Variants in TMEM163 observed in about 807,000 individuals in gnomAD.
TMEM163 encodes transmembrane protein 163.
Under a neutral mutation model 29.3 loss-of-function variants are expected in TMEM163, and 17 were observed. That is an observed-to-expected ratio of 0.58 (90% CI 0.40 to 0.87). The LOEUF is 0.87. Ranked by LOEUF, TMEM163 falls within the 40% of genes least tolerant of loss-of-function variation. The probability of loss-of-function intolerance (pLI) is 0.00; values close to 1 mark genes in which losing one functional copy is unlikely to be tolerated. For missense variants in TMEM163, 303 were observed against 381.5 expected, an observed-to-expected ratio of 0.79 and a Z score of 1.71; for synonymous variants, 157 against 160.6, an observed-to-expected ratio of 0.98 and a Z score of 0.17.
rs149388197 is a variant in TMEM163 at position 134,622,786 on chromosome 2, A to G, written c.323-70695T>C. Reference sequence around the variant, plus strand: ...ACTTCTTTTTTTTCTTTTTGAGACGAAGTTTTGCTCTTGTTGCCCAGACTG... The same window carrying G: ...ACTTCTTTTTTTTCTTTTTGAGACGGAGTTTTGCTCTTGTTGCCCAGACTG... On this transcript the variant is annotated intron_variant, in intron 2 of 7. Coordinates refer to ENST00000281924, the MANE Select transcript of TMEM163 (RefSeq NM_030923.5). Among the ~76,000 whole-genome samples the G allele has an allele frequency of 2.7e-3, 413 of 152,146 alleles. 2 individuals carry two copies. Among genetic ancestry groups the G allele is most frequent in the African/African-American group, 9.4e-3 (388 of 41,494 alleles).
intron 2 of TMEM163, among the ~76,000 whole-genome samples, chr2:134,586,023 G>A (rs1681815525): frequency 2.0e-5 from 3 of 152,142 alleles, no homozygotes; most frequent in Admixed American, 1.3e-4. Context: ...GGAATGAAGA[G>A]CAAGCAAGGC....
intron 2 of TMEM163, among the ~76,000 whole-genome samples, chr2:134,658,267 C>T (rs189680165): frequency 1.3e-5 from 2 of 152,188 alleles, no homozygotes; most frequent in African/African-American, 2.4e-5. Flanking sequence ...ATTCACTGTT[C>T]CGATTTAACA....
At chr2:134,549,660 T>C (rs1463001356) in intron 4 of TMEM163, among the ~76,000 whole-genome samples, 1 of 152,154 alleles carries the variant, frequency 6.6e-6, no homozygotes. Flanking sequence ...GTACTTTCCA[T>C]CTGGATACCA....
At chr2:134,562,321 T>C (rs1681200549) in intron 2 of TMEM163, among the ~76,000 whole-genome samples, 1 of 152,250 alleles carries the variant, frequency 6.6e-6, no homozygotes, top group South Asian at 2.1e-4. Flanking sequence ...AAGTGCATTG[T>C]CAGTGCTCAA....
intron 2 of TMEM163, among the ~76,000 whole-genome samples, chr2:134,567,426 T>A (rs568132384): frequency 5.8e-4 from 88 of 152,310 alleles, no homozygotes; most frequent in African/African-American, 1.9e-3. Flanking sequence ...GCGTGGTGAC[T>A]CACACCAGTA....
chr2:134,553,428 CAG>C (rs942993355), intron 2 of TMEM163, among the ~76,000 whole-genome samples: 2 of 152,186 alleles, frequency 1.3e-5, no homozygotes, highest in African/African-American at 4.8e-5. Context: ...GGACTTGAGA[CAG>C]AGAGAGTCTA....
chr2:134,634,127 C>A (rs1441542460), intron 2 of TMEM163, among the ~76,000 whole-genome samples: 9 of 151,208 alleles, frequency 6.0e-5, no homozygotes, highest in African/African-American at 2.2e-4. Flanking sequence ...CAAACATAGG[C>A]AGCAAAAGTT....
At chr2:134,538,048 C>G (rs520449) in intron 4 of TMEM163, among the ~76,000 whole-genome samples, 1 of 152,116 alleles carries the variant, frequency 6.6e-6, no homozygotes, top group Non-Finnish European at 1.5e-5. Flanking sequence ...GAAAACGTTT[C>G]GGCAATTCCT....
At chr2:134,468,085 T>G (rs547676034) in intron 5 of TMEM163, 1 of 152,246 alleles carries the variant, frequency 6.6e-6, no homozygotes, top group African/African-American at 2.4e-5. Flanking sequence ...TCAGCCTAAG[T>G]CCAGGAGACA....
At chr2:134,470,276 G>A (rs563825981) in intron 5 of TMEM163, among the ~76,000 whole-genome samples, 98 of 151,280 alleles carry the variant, frequency 6.5e-4, no homozygotes, top group African/African-American at 2.3e-3. Context: ...AGAATTGTGT[G>A]AACCCGGGAG....
intron 4 of TMEM163, among the ~76,000 whole-genome samples, chr2:134,549,951 G>A (rs1205147454): frequency 6.6e-6 from 1 of 152,154 alleles, no homozygotes; most frequent in Non-Finnish European, 1.5e-5. Context: ...ATGAGGCACA[G>A]AGCAGTTACT....
chr2:134,481,380 G>T (rs549892165), intron 5 of TMEM163, among the ~76,000 whole-genome samples: 54 of 147,038 alleles, frequency 3.7e-4, no homozygotes, highest in South Asian at 1.7e-3. Context: ...TGAATCATGG[G>T]GGGGGGGGGA....
intron 4 of TMEM163, among the ~76,000 whole-genome samples, chr2:134,536,192 G>T (rs1168577341): frequency 6.6e-6 from 1 of 151,920 alleles, no homozygotes; most frequent in Non-Finnish European, 1.5e-5. Flanking sequence ...GAAGCAAAGG[G>T]TACTACATTA....
chr2:134,551,985 G>A (rs1398818027), intron 3 of TMEM163, 63 bp downstream of exon 3: 6 of 1,380,352 alleles, frequency 4.3e-6, no homozygotes, highest in East Asian at 2.3e-5. Flanking sequence ...GGCTCAGGGT[G>A]AGGTTTATGG....
intron 2 of TMEM163, among the ~76,000 whole-genome samples, chr2:134,553,996 G>A (rs1276066584): frequency 6.6e-6 from 1 of 152,216 alleles, no homozygotes; most frequent in East Asian, 1.9e-4. Flanking sequence ...AGTCAAGGAG[G>A]ATATCTTTTC....
At chr2:134,681,896 A>T (rs1281244918) in intron 2 of TMEM163, among the ~76,000 whole-genome samples, 6 of 152,250 alleles carry the variant, frequency 3.9e-5, no homozygotes, top group African/African-American at 1.4e-4. Context: ...GTACATTTAG[A>T]ACCCAGATTC....
chr2:134,564,383 CGAT>C (rs1681247045), intron 2 of TMEM163, among the ~76,000 whole-genome samples: 1 of 151,958 alleles, frequency 6.6e-6, no homozygotes, highest in Admixed American at 6.6e-5. Context: ...AGAAAACTGT[CGAT>C]GAGCTGTAGA....
intron 2 of TMEM163, among the ~76,000 whole-genome samples, chr2:134,693,989 G>A (rs1404997173): frequency 6.6e-6 from 1 of 152,166 alleles, no homozygotes; most frequent in Admixed American, 6.5e-5. Context: ...GTCAAGTAGG[G>A]CAGAGTGTGA....
At chr2:134,522,193 C>A (rs1477556207) in intron 4 of TMEM163, among the ~76,000 whole-genome samples, 1 of 152,130 alleles carries the variant, frequency 6.6e-6, no homozygotes, top group Non-Finnish European at 1.5e-5. Flanking sequence ...AAGAACAGGA[C>A]AGTCACTGTG....
Sources: gnomAD v4.1 joint callset for allele counts (sites outside exome capture counted in the v4.1 genomes callset) on GRCh38, gnomAD v4.1.1 for gene constraint, MANE v1.5 for transcripts, NCBI Gene and HGNC (gene_info 2026-07-23, HGNC 2026-07-21) for gene names.